The following HDAC8 variants were observed in gnomAD, a reference collection of about 807,000 sequenced individuals.
The protein encoded by HDAC8 is histone deacetylase-like 1.
A neutral mutation model predicts 32.2 loss-of-function variants in HDAC8; 1 was observed. The ratio of observed to expected loss-of-function variants is 0.03; its 90% CI spans 0.01 to 0.15. The LOEUF (loss-of-function observed/expected upper bound fraction) is 0.15, where lower values mean the gene tolerates loss of function less well. Ranked by LOEUF, HDAC8 falls within the 10% of genes least tolerant of loss-of-function variation. The pLI is 1.00. For synonymous variants in HDAC8, 108 were observed against 113.9 expected, an observed-to-expected ratio of 0.95 and a Z score of 0.33; for missense variants, 117 against 300.0, an observed-to-expected ratio of 0.39 and a Z score of 4.51.
intron 7 of HDAC8, 48 bp from the exon 8 acceptor site, chrX:72,464,779 G>A: frequency 1.0e-6 from 1 of 952,975 alleles, no homozygotes; most frequent in Non-Finnish European, 1.5e-6. Context: ...TTGGTCTAGG[G>A]GTAGTGGTGG....
rs145475827 is a variant in HDAC8 at position 72,528,319 on chromosome X, A to G, written c.438-33051T>C. Among the ~76,000 whole-genome samples the G allele has an allele frequency of 2.7e-5, 3 of 112,162 alleles. No individual in the cohort carries two copies. In the East Asian group the frequency reaches 8.4e-4, roughly 32 times the overall value. ...TGAACAAATGGATGAATGAGAAGAT[A>G]TGACTCAAGGGAGTCTCTATAAATA... On this transcript the variant is annotated intron_variant, in intron 4 of 10. Transcript: ENST00000373573.
intron 9 of HDAC8, among the ~76,000 whole-genome samples, chrX:72,450,769 C>T (rs1207395274): frequency 9.1e-6 from 1 of 110,173 alleles, no homozygotes; most frequent in African/African-American, 3.3e-5. Context: ...TCTTGTAGGA[C>T]AGCATCAATC....
At chrX:72,452,315 G>T (rs1261786627) in intron 9 of HDAC8, among the ~76,000 whole-genome samples, 1 of 111,817 alleles carries the variant, frequency 8.9e-6, no homozygotes, top group Non-Finnish European at 1.9e-5. Context: ...AATTAGCTGG[G>T]CATGGTGGCA....
intron 9 of HDAC8, among the ~76,000 whole-genome samples, chrX:72,403,741 C>A (rs781810786): frequency 9.0e-6 from 1 of 111,695 alleles, no homozygotes; most frequent in African/African-American, 3.3e-5. Flanking sequence ...GCAGGAGAAT[C>A]GCTTGAACTC....
intron 7 of HDAC8, among the ~76,000 whole-genome samples, chrX:72,473,030 C>T (rs782772193): frequency 2.7e-5 from 3 of 111,574 alleles, no homozygotes; most frequent in Non-Finnish European, 5.6e-5. Flanking sequence ...CCTTCACACA[C>T]AAAACCATCA....
intron 10 of HDAC8, among the ~76,000 whole-genome samples, chrX:72,344,469 G>A (rs1004268755): frequency 9.0e-6 from 1 of 111,696 alleles, no homozygotes; most frequent in Non-Finnish European, 1.9e-5. Context: ...TTTGTATCCT[G>A]TTCATATTCA....
intron 10 of HDAC8, among the ~76,000 whole-genome samples, chrX:72,338,657 T>TA (rs2043791919): frequency 1.3e-5 from 1 of 79,392 alleles, no homozygotes; most frequent in Non-Finnish European, 2.4e-5. Flanking sequence ...ATATATATAT[T>TA]TATAAATATA....
chrX:72,362,641 G>A (rs782494968), intron 9 of HDAC8, among the ~76,000 whole-genome samples: 3 of 112,300 alleles, frequency 2.7e-5, no homozygotes, highest in African/African-American at 9.7e-5. Flanking sequence ...AGTGTGCTTG[G>A]CTTATTATAA....
intron 4 of HDAC8, 52 bp from the exon 5 acceptor site, chrX:72,495,320 G>T (rs2048988141): frequency 4.9e-6 from 4 of 819,660 alleles, no homozygotes; most frequent in Non-Finnish European, 5.4e-6. Context: ...ATCCAAGGGA[G>T]TCTTTACAGC....
At chrX:72,422,634 A>C (rs1262001053) in intron 9 of HDAC8, among the ~76,000 whole-genome samples, 1 of 111,984 alleles carries the variant, frequency 8.9e-6, no homozygotes, top group Non-Finnish European at 1.9e-5. Context: ...TTCCCAAAGA[A>C]GCTCTCCCTA....
chrX:72,523,500 T>A (rs1370791703), intron 4 of HDAC8, among the ~76,000 whole-genome samples: 1 of 111,421 alleles, frequency 9.0e-6, no homozygotes, highest in Admixed American at 9.5e-5. Context: ...TATACACTAC[T>A]TCTTTATGGT....
At chrX:72,365,503 GTAATGAA>G (rs1203125099) in intron 9 of HDAC8, among the ~76,000 whole-genome samples, 4 of 111,697 alleles carry the variant, frequency 3.6e-5, no homozygotes, top group Non-Finnish European at 5.6e-5. Context: ...TGGGGGCTGA[GTAATGAA>G]TAAGGCTTCA....
rs181030490 is a variant in HDAC8 at position 72,356,084 on chromosome X, A to G, written c.1006-4246T>C. ...CTCACAACCAACCCATGCAGTAGGT[A>G]CTACTATTGTTTCCATTTGAAGCTG... is the stretch of plus-strand genomic sequence containing the variant. On this transcript the variant is annotated intron_variant, in intron 9 of 10. Transcript: ENST00000373573. 8.9e-5 allele frequency among the ~76,000 whole-genome samples: 10 copies of G among 112,343 alleles called. No individual in the cohort carries two copies. The East Asian group carries it at 2.2e-3, about 25-fold the overall frequency.
At chrX:72,440,144 C>A (rs2047081448) in intron 9 of HDAC8, among the ~76,000 whole-genome samples, 1 of 112,183 alleles carries the variant, frequency 8.9e-6, no homozygotes, top group Non-Finnish European at 1.9e-5. Flanking sequence ...ACAGCACAAT[C>A]AAATTACAAC....
At chrX:72,353,162 T>C (rs1216680529) in intron 9 of HDAC8, among the ~76,000 whole-genome samples, 1 of 111,886 alleles carries the variant, frequency 8.9e-6, no homozygotes, top group Non-Finnish European at 1.9e-5. Flanking sequence ...TTGTTAAGAG[T>C]CTGAATGTAC....
chrX:72,565,497 A>T (rs2051746715), intron 4 of HDAC8, among the ~76,000 whole-genome samples: 1 of 112,074 alleles, frequency 8.9e-6, no homozygotes, highest in East Asian at 2.8e-4. Context: ...TTAAGGCGAT[A>T]TATGTGGGTA....
At chrX:72,531,506 ATTC>A (rs1374715370) in intron 4 of HDAC8, among the ~76,000 whole-genome samples, 2 of 111,872 alleles carry the variant, frequency 1.8e-5, no homozygotes, top group African/African-American at 3.2e-5. Flanking sequence ...ACTAGTTTTA[ATTC>A]TTCTTCTTTA....
intron 4 of HDAC8, among the ~76,000 whole-genome samples, chrX:72,525,810 T>A: frequency 4.4e-5 from 1 of 22,848 alleles, no homozygotes; most frequent in African/African-American, 2.6e-4. Context: ...CGAGACTCTG[T>A]CTCAAAAAAA....
chrX:72,398,904 T>C (rs1156888270), intron 9 of HDAC8, among the ~76,000 whole-genome samples: 1 of 110,143 alleles, frequency 9.1e-6, no homozygotes, highest in Non-Finnish European at 1.9e-5. Context: ...CCTGTATCAG[T>C]ATTTCTTTGT....
Sources: gnomAD v4.1 joint callset for allele counts (sites outside exome capture counted in the v4.1 genomes callset) on GRCh38, gnomAD v4.1.1 for gene constraint, MANE v1.5 for transcripts, NCBI Gene and HGNC (gene_info 2026-07-23, HGNC 2026-07-21) for gene names.